Variants in RFTN1 observed in about 807,000 individuals in gnomAD.
The protein encoded by RFTN1 is raftlin.
Under a neutral mutation model 46.5 loss-of-function variants are expected in RFTN1, and 26 were observed. The observed-to-expected ratio is 0.56, with a 90% CI of 0.41 to 0.78. RFTN1 has a LOEUF of 0.78. Among genes scored for constraint, RFTN1 ranks in the 30% least tolerant of loss-of-function variants. RFTN1 has a pLI of 0.00. For missense variants in RFTN1, 693 were observed against 718.7 expected, an observed-to-expected ratio of 0.96 and a Z score of 0.41; for synonymous variants, 261 against 284.2, an observed-to-expected ratio of 0.92 and a Z score of 0.82.
At chr3:16,461,611 C>T (rs781428005) in intron 2 of RFTN1, among the ~76,000 whole-genome samples, 2 of 152,146 alleles carry the variant, frequency 1.3e-5, no homozygotes, top group Non-Finnish European at 2.9e-5. Context: ...TACAATTACA[C>T]GATATGACCA....
Position 16,422,555 on chromosome 3 carries a change from C to T in RFTN1, c.332+11296G>A, listed in dbSNP as rs1043786382. Among the ~76,000 whole-genome samples, 32 of 151,768 alleles carry T rather than the reference C, an allele frequency of 2.1e-4. No homozygotes were observed. The highest frequency in any genetic ancestry group is 3.4e-4 in the Non-Finnish European group (23 of 67,956). The stretch of plus-strand genomic sequence containing the variant: ...CTGAGGCAGGAGAATCACTTGAACC[C>T]GGGAGGCGGAAGTTGCAGTGAGCCG... On this transcript the variant is annotated intron_variant, in intron 3 of 9. Coordinates refer to ENST00000334133, the MANE Select transcript of RFTN1 (RefSeq NM_015150.2). This position sits in a 1 kb window ranked among gnomAD's most constrained non-coding sequence, Gnocchi z 4.6.
In RFTN1 at chr3:16,321,517, C is replaced by T. The variant is rs182037227; in HGVS notation, c.1332+1859G>A. ...CAGGCCTGTGGGAGTAGGACGCTGACCCTTGTCAGCTGAGGAGTGAGGAGG... is the reference window on the plus strand; with the variant it reads ...CAGGCCTGTGGGAGTAGGACGCTGATCCTTGTCAGCTGAGGAGTGAGGAGG... On this transcript the variant is annotated intron_variant, in intron 9 of 9. Transcript: ENST00000334133. This position sits in a 1 kb window ranked among gnomAD's most constrained non-coding sequence, Gnocchi z 4.8. 1.6e-4 allele frequency among the ~76,000 whole-genome samples: 24 copies of T among 152,224 alleles called. No individual in the cohort carries two copies. Among genetic ancestry groups the T allele is most frequent in the Admixed American group, 1.1e-3 (17 of 15,300 alleles).
intron 3 of RFTN1, among the ~76,000 whole-genome samples, chr3:16,420,491 C>T (rs952154386): frequency 6.6e-6 from 1 of 152,124 alleles, no homozygotes; most frequent in African/African-American, 2.4e-5. Context: ...TCTCATGGGA[C>T]CTGTCCAGTT....
rs922954308 is a variant in RFTN1 at position 16,400,999 on chromosome 3, A to G, written c.441+8376T>C. On this transcript the variant is annotated intron_variant, in intron 4 of 9. Transcript: ENST00000334133. This position sits in a 1 kb window ranked among gnomAD's most constrained non-coding sequence, Gnocchi z 4.5. ...ATCTTTTATCACCTCTTCTCTCCCA[A>G]TACCTTTCAGCTGAAAAAAATGTTC... is the stretch of plus-strand genomic sequence containing the variant. Among the ~76,000 whole-genome samples, 2 of 151,912 alleles carry G rather than the reference A, an allele frequency of 1.3e-5. No homozygotes were observed. The highest frequency in any genetic ancestry group is 2.1e-4 in the South Asian group (1 of 4,810).
intron 5 of RFTN1, 125 bp downstream of exon 5, chr3:16,377,593 T>C: frequency 7.0e-7 from 1 of 1,438,548 alleles, no homozygotes; most frequent in Non-Finnish European, 9.2e-7. Context: ...GTTTCTCCTG[T>C]TTGATGGACT....
chr3:16,459,988 G>A lies in RFTN1; in HGVS notation c.146-25951C>T, dbSNP rs2075980928. Among the ~76,000 whole-genome samples, 1 of 152,114 alleles carries A rather than the reference G, an allele frequency of 6.6e-6. No individual in the cohort carries two copies. On this transcript the variant is annotated intron_variant, in intron 2 of 9. Transcript: ENST00000334133. The surrounding 1 kb of genome is among the most constrained non-coding windows in gnomAD (Gnocchi z 4.2). ...GAAGCCAAGACATTTTTGAGAACATGAATTTTCCATATGATTGACTTATTT... is the reference window on the plus strand; with the variant it reads ...GAAGCCAAGACATTTTTGAGAACATAAATTTTCCATATGATTGACTTATTT...
At chr3:16,416,104 C>T (rs1424040324) in intron 3 of RFTN1, 12 of 372,958 alleles carry the variant, frequency 3.2e-5, no homozygotes, top group Admixed American at 2.9e-4. Flanking sequence ...TTGGGACCCC[C>T]CACTTACACA....
rs1346428709 is a variant in RFTN1, at chr3:16,428,668, A to G, written c.332+5183T>C. ...GTCGCCAAAGGACTTCAACTCATTC[A>G]TGATGAAAAACACACCAATGACGCC... On this transcript the variant is annotated intron_variant, in intron 3 of 9. Transcript: ENST00000334133. This position sits in a 1 kb window ranked among gnomAD's most constrained non-coding sequence, Gnocchi z 4.7. Among the ~76,000 whole-genome samples, 4 of 152,214 alleles carry G rather than the reference A, an allele frequency of 2.6e-5. No individual in the cohort carries two copies. Among genetic ancestry groups the G allele is most frequent in the Admixed American group, 2.6e-4 (4 of 15,278 alleles).
Position 16,425,122 on chromosome 3 carries a change from A to G in RFTN1, c.332+8729T>C, listed in dbSNP as rs2075265301. Among the ~76,000 whole-genome samples the G allele has an allele frequency of 6.6e-6, 1 of 152,234 alleles. No individual in the cohort carries two copies. Among genetic ancestry groups the G allele is most frequent in the Non-Finnish European group, 1.5e-5 (1 of 68,032 alleles). On this transcript the variant is annotated intron_variant, in intron 3 of 9. Transcript: ENST00000334133. This position sits in a 1 kb window ranked among gnomAD's most constrained non-coding sequence, Gnocchi z 4.3. ...AAATAGAAAACTCCAACGCTTTAGT[A>G]AAATTATTTGCAACTAAATTACCTA...
intron 7 of RFTN1, among the ~76,000 whole-genome samples, chr3:16,354,095 C>T (rs1261106406): frequency 1.3e-5 from 2 of 152,220 alleles, no homozygotes; most frequent in African/African-American, 4.8e-5. Context: ...TCAACCCAAT[C>T]AGCAAGCATT....
chr3:16,505,078 C>T (rs935958109), intron 1 of RFTN1, among the ~76,000 whole-genome samples: 7 of 152,320 alleles, frequency 4.6e-5, no homozygotes, highest in African/African-American at 1.7e-4. Flanking sequence ...CAGCTACCAA[C>T]GCTTTCCTGG....
At chr3:16,486,760 A>G (rs1486031789) in intron 2 of RFTN1, among the ~76,000 whole-genome samples, 1 of 152,228 alleles carries the variant, frequency 6.6e-6, no homozygotes, top group Non-Finnish European at 1.5e-5. Flanking sequence ...AAAGTAAAAT[A>G]CCAATCTATA....
intron 7 of RFTN1, chr3:16,339,279 C>G (rs1158216872): frequency 6.6e-6 from 1 of 152,276 alleles, no homozygotes; most frequent in Non-Finnish European, 1.5e-5. Context: ...TACCACAATT[C>G]TCACTCAGCC....
Position 16,483,775 on chromosome 3 carries a change from G to C in RFTN1, c.145+9950C>G, listed in dbSNP as rs1319100589. Among the ~76,000 whole-genome samples, 1 of 151,430 alleles carries C rather than the reference G, an allele frequency of 6.6e-6. No homozygotes were observed. Among genetic ancestry groups the C allele is most frequent in the East Asian group, 1.9e-4 (1 of 5,156 alleles). On this transcript the variant is annotated intron_variant, in intron 2 of 9. Coordinates refer to ENST00000334133, the MANE Select transcript of RFTN1 (RefSeq NM_015150.2). This position sits in a 1 kb window ranked among gnomAD's most constrained non-coding sequence, Gnocchi z 4.8. Reference sequence around the variant, plus strand: ...CACTCAAATTAAAAAAAAAAAAATTGTACTCCACATGATCTTTTAAGGTTC... The same window carrying C: ...CACTCAAATTAAAAAAAAAAAAATTCTACTCCACATGATCTTTTAAGGTTC...
Position 16,400,027 on chromosome 3 carries a change from C to G in RFTN1, c.441+9348G>C, listed in dbSNP as rs1283752609. 6.6e-6 allele frequency among the ~76,000 whole-genome samples: 1 copy of G among 152,206 alleles called. No individual in the cohort carries two copies. The highest frequency in any genetic ancestry group is 1.5e-5 in the Non-Finnish European group (1 of 68,038). Reference sequence around the variant, plus strand: ...CTTGACCCAGAAGCCAGTCACTAACCTGCAGCCATTCTGATCTTTCCAAAG... The same window carrying G: ...CTTGACCCAGAAGCCAGTCACTAACGTGCAGCCATTCTGATCTTTCCAAAG... On this transcript the variant is annotated intron_variant, in intron 4 of 9. Coordinates refer to ENST00000334133, the MANE Select transcript of RFTN1 (RefSeq NM_015150.2). The surrounding 1 kb of genome is among the most constrained non-coding windows in gnomAD (Gnocchi z 4.5).
intron 4 of RFTN1, among the ~76,000 whole-genome samples, chr3:16,393,393 A>C (rs1016336978): frequency 6.6e-6 from 1 of 152,226 alleles, no homozygotes; most frequent in Non-Finnish European, 1.5e-5. Flanking sequence ...TCCAATGCAC[A>C]TAAGACAGAA....
Position 16,512,482 on chromosome 3 carries a change from C to T in RFTN1, c.-9+960G>A, listed in dbSNP as rs2076918817. Among the ~76,000 whole-genome samples, 1 of 152,138 alleles carries T rather than the reference C, an allele frequency of 6.6e-6. No individual in the cohort carries two copies. Among genetic ancestry groups the T allele is most frequent in the African/African-American group, 2.4e-5 (1 of 41,400 alleles). Reference sequence around the variant, plus strand: ...CCCCCGAAGAAACTCACTGACACCACCCAGCGTCCCTAGGGATCACCCATA... The same window carrying T: ...CCCCCGAAGAAACTCACTGACACCATCCAGCGTCCCTAGGGATCACCCATA... On this transcript the variant is annotated intron_variant, in intron 1 of 9. Coordinates refer to ENST00000334133, the MANE Select transcript of RFTN1 (RefSeq NM_015150.2). The surrounding 1 kb of genome is among the most constrained non-coding windows in gnomAD (Gnocchi z 4.3).
chr3:16,456,888 C>T (rs1473137646), intron 2 of RFTN1, among the ~76,000 whole-genome samples: 1 of 152,184 alleles, frequency 6.6e-6, no homozygotes, highest in African/African-American at 2.4e-5. Context: ...AACCACTGAC[C>T]TAGAGTCATG....
In RFTN1 at chr3:16,426,253, C is replaced by T. The variant is rs1049212373; in HGVS notation, c.332+7598G>A. Among the ~76,000 whole-genome samples the T allele has an allele frequency of 1.3e-5, 2 of 152,130 alleles. No homozygotes were observed. The highest frequency in any genetic ancestry group is 4.8e-5 in the African/African-American group (2 of 41,414). On this transcript the variant is annotated intron_variant, in intron 3 of 9. Transcript: ENST00000334133. This position sits in a 1 kb window ranked among gnomAD's most constrained non-coding sequence, Gnocchi z 5.9. The stretch of plus-strand genomic sequence containing the variant: ...ATTTTCTAGGGCACACCCCAGTAGG[C>T]GCTACCACCCCCTGTGTATTTCGCT...
Sources: allele counts gnomAD v4.1 joint callset (sites outside exome capture counted in the v4.1 genomes callset), GRCh38; gene constraint gnomAD v4.1.1; non-coding constraint Gnocchi (gnomAD v3.1); transcripts MANE v1.5; gene names NCBI Gene and HGNC (gene_info 2026-07-23, HGNC 2026-07-21).